The following TTC29 variants were observed in gnomAD, a reference collection of about 807,000 sequenced individuals.
TTC29 encodes tetratricopeptide repeat protein 29.
In TTC29, 49 loss-of-function variants were observed where a neutral mutation model predicts 58.1. The observed-to-expected ratio is 0.84, with a 90% CI of 0.67 to 1.07. The LOEUF (loss-of-function observed/expected upper bound fraction) is 1.07, where lower values mean the gene tolerates loss of function less well. Ranked by LOEUF, TTC29 falls within the 50% of genes least tolerant of loss-of-function variation. The pLI, the probability that TTC29 is intolerant of heterozygous loss-of-function variation, is 0.00. For missense variants in TTC29, 582 were observed against 555.6 expected (o/e 1.05, Z -0.48); for synonymous variants, 209 against 196.8 (o/e 1.06, Z -0.52).
chr4:146,849,579 T>C (rs1483886267), intron 8 of TTC29, among the ~76,000 whole-genome samples: 1 of 152,106 alleles, frequency 6.6e-6, no homozygotes, highest in Non-Finnish European at 1.5e-5. Context: ...TATTTTTTCA[T>C]CATGAAGATC....
At chr4:146,864,773 T>G (rs1321823633) in intron 8 of TTC29, among the ~76,000 whole-genome samples, 1 of 152,178 alleles carries the variant, frequency 6.6e-6, no homozygotes, top group Non-Finnish European at 1.5e-5. Flanking sequence ...CTGTCTTCTG[T>G]TTCAAATCTT....
rs561319215 is a variant in TTC29, at chr4:146,920,025, C to T, written c.177-10776G>A. On this transcript the variant is annotated intron_variant, in intron 4 of 12. Transcript: ENST00000325106. Reference sequence around the variant, plus strand: ...TAGTCATGAGAATCTGTAGTTTGCACCTTCCCATTAAAAATGTATTGTATT... The same window carrying T: ...TAGTCATGAGAATCTGTAGTTTGCATCTTCCCATTAAAAATGTATTGTATT... Among the ~76,000 whole-genome samples the T allele has an allele frequency of 6.6e-5, 10 of 151,012 alleles. No individual in the cohort carries two copies. The East Asian group carries it at 1.2e-3, about 17-fold the overall frequency.
chr4:146,833,412 T>C (rs1373012954), intron 9 of TTC29, among the ~76,000 whole-genome samples: 1 of 152,208 alleles, frequency 6.6e-6, no homozygotes, highest in African/African-American at 2.4e-5. Context: ...AAAGCATGAC[T>C]GAAGCATAAA....
At chr4:146,844,397 A>C (rs1479194113) in intron 8 of TTC29, among the ~76,000 whole-genome samples, 1 of 152,202 alleles carries the variant, frequency 6.6e-6, no homozygotes, top group Non-Finnish European at 1.5e-5. Flanking sequence ...ATATTGATGA[A>C]GAGATTTTAT....
At chr4:146,922,032 A>G (rs1734622432) in intron 4 of TTC29, among the ~76,000 whole-genome samples, 1 of 137,990 alleles carries the variant, frequency 7.2e-6, no homozygotes, top group Non-Finnish European at 1.6e-5. Context: ...AAAAAAAAAG[A>G]AAGAAAGAAA....
chr4:146,787,607 T>C (rs757053797), intron 11 of TTC29, among the ~76,000 whole-genome samples: 22 of 152,352 alleles, frequency 1.4e-4, no homozygotes, highest in Non-Finnish European at 2.9e-4. Context: ...ATCGCTAGCC[T>C]AGTATCTTCA....
At chr4:146,714,308 C>A (rs531198858) in intron 11 of TTC29, among the ~76,000 whole-genome samples, 9 of 151,888 alleles carry the variant, frequency 5.9e-5, no homozygotes, top group Non-Finnish European at 1.3e-4. Flanking sequence ...TAAGTAGAGA[C>A]ATGGAAAATA....
chr4:146,807,021 A>G (rs977752259), intron 10 of TTC29, among the ~76,000 whole-genome samples: 2 of 152,212 alleles, frequency 1.3e-5, no homozygotes, highest in Non-Finnish European at 2.9e-5. Context: ...AAAAGAATAG[A>G]AATCATAACA....
chr4:146,818,269 C>T (rs529463260), intron 10 of TTC29, among the ~76,000 whole-genome samples: 13 of 152,212 alleles, frequency 8.5e-5, no homozygotes, highest in African/African-American at 2.9e-4. Flanking sequence ...AAAAAGTGGG[C>T]AAAGGATATG....
chr4:146,836,275 A>T (rs1261684527), intron 8 of TTC29, among the ~76,000 whole-genome samples: 2 of 152,090 alleles, frequency 1.3e-5, no homozygotes, highest in Non-Finnish European at 2.9e-5. Flanking sequence ...TTGTGGTTTG[A>T]GAGAGTGTGG....
intron 9 of TTC29, chr4:146,831,817 T>C (rs1171923863): frequency 2.4e-6 from 1 of 414,306 alleles, no homozygotes; most frequent in Non-Finnish European, 4.9e-6. Context: ...AAAATAATTA[T>C]AAAGACCATC....
chr4:146,767,178 G>C (rs1485043918), intron 11 of TTC29, among the ~76,000 whole-genome samples: 1 of 151,816 alleles, frequency 6.6e-6, no homozygotes, highest in Non-Finnish European at 1.5e-5. Context: ...CATTCCCCTT[G>C]TAGTTAATCA....
chr4:146,713,923 T>C (rs1742726804), intron 11 of TTC29, among the ~76,000 whole-genome samples: 1 of 152,168 alleles, frequency 6.6e-6, no homozygotes, highest in Non-Finnish European at 1.5e-5. Context: ...CTAAATACTT[T>C]CTTAAGATAA....
At chr4:146,746,890 C>T (rs1345833988) in intron 11 of TTC29, among the ~76,000 whole-genome samples, 1 of 152,126 alleles carries the variant, frequency 6.6e-6, no homozygotes, top group Non-Finnish European at 1.5e-5. Flanking sequence ...TAAACAGTTA[C>T]ATTTGACCAA....
chr4:146,827,319 C>T (rs1480414539), intron 9 of TTC29, among the ~76,000 whole-genome samples: 1 of 152,212 alleles, frequency 6.6e-6, no homozygotes, highest in African/African-American at 2.4e-5. Flanking sequence ...ATGGTTTATT[C>T]TGATGGGAGC....
intron 4 of TTC29, among the ~76,000 whole-genome samples, chr4:146,920,191 G>A (rs765162816): frequency 1.2e-4 from 18 of 150,954 alleles, no homozygotes; most frequent in Non-Finnish European, 2.1e-4. Flanking sequence ...TCTACATAAT[G>A]TACAAAAGTT....
chr4:146,882,610 G>A (rs987409001), intron 6 of TTC29, among the ~76,000 whole-genome samples: 8 of 152,024 alleles, frequency 5.3e-5, no homozygotes, highest in African/African-American at 1.9e-4. Context: ...AATCAATAAT[G>A]TAATTTTTAC....
At chr4:146,783,604 T>G (rs1031422625) in intron 11 of TTC29, among the ~76,000 whole-genome samples, 6 of 152,098 alleles carry the variant, frequency 3.9e-5, no homozygotes, top group Admixed American at 3.3e-4. Flanking sequence ...AGCAGCCATA[T>G]AAAATGTGCA....
intron 11 of TTC29, among the ~76,000 whole-genome samples, chr4:146,709,534 T>C (rs1010226541): frequency 2.0e-5 from 3 of 152,124 alleles, no homozygotes; most frequent in African/African-American, 7.2e-5. Context: ...ATAGCCCTAG[T>C]TAAATCTAGT....
Sources: gnomAD v4.1 joint callset for allele counts (sites outside exome capture counted in the v4.1 genomes callset) on GRCh38, gnomAD v4.1.1 for gene constraint, MANE v1.5 for transcripts, NCBI Gene and HGNC (gene_info 2026-07-23, HGNC 2026-07-21) for gene names.